TYW1: variants seen among roughly 807,000 people sequenced by gnomAD.
The protein encoded by TYW1 is S-adenosyl-L-methionine-dependent tRNA 4-demethylwyosine synthase TYW1.
A neutral mutation model predicts 96.2 loss-of-function variants in TYW1; 46 were observed. That is an observed-to-expected ratio of 0.48 (90% CI 0.38 to 0.61). TYW1 has a LOEUF of 0.61. TYW1 is among the 20% of genes least tolerant of loss of function. The pLI, the probability that TYW1 is intolerant of heterozygous loss-of-function variation, is 0.00. For missense variants in TYW1, 684 were observed against 909.6 expected (o/e 0.75, Z 3.19); for synonymous variants, 274 against 323.0 (o/e 0.85, Z 1.63).
chr7:67,101,149 C>T (rs866561506), intron 12 of TYW1, among the ~76,000 whole-genome samples: 1 of 152,144 alleles, frequency 6.6e-6, no homozygotes, highest in Non-Finnish European at 1.5e-5. Context: ...GCTGCCCTAT[C>T]TTAGTGCACC....
intron 12 of TYW1, among the ~76,000 whole-genome samples, chr7:67,106,777 T>C (rs1797257750): frequency 6.6e-6 from 1 of 152,210 alleles, no homozygotes; most frequent in African/African-American, 2.4e-5. Flanking sequence ...ATCTCATAGC[T>C]CTTTTTTGGT....
At chr7:67,072,248 C>T (rs1178596797) in intron 10 of TYW1, among the ~76,000 whole-genome samples, 2 of 128,946 alleles carry the variant, frequency 1.6e-5, no homozygotes, top group Non-Finnish European at 3.3e-5. Context: ...CCTCTACCCA[C>T]TTTTTTTTTT....
chr7:67,180,307 C>A (rs28379305), intron 13 of TYW1, among the ~76,000 whole-genome samples: 31,256 of 123,988 alleles, frequency 0.25, 8,197 homozygotes, highest in Middle Eastern at 0.36. Context: ...GGTAATGATA[C>A]CTAGTACATG....
intron 7 of TYW1, 74 bp from the exon 8 acceptor site, chr7:67,049,875 G>A: frequency 1.9e-6 from 3 of 1,569,986 alleles, no homozygotes; most frequent in Non-Finnish European, 2.6e-6. Flanking sequence ...TTGATGCTAG[G>A]TGTTCATGAT....
At chr7:67,149,772 A>C (rs961725234) in intron 13 of TYW1, among the ~76,000 whole-genome samples, 1 of 82,882 alleles carries the variant, frequency 1.2e-5, no homozygotes, top group Non-Finnish European at 2.5e-5. Context: ...CTATCTATCT[A>C]TCTCTCTATG....
chr7:67,053,542 G>A (rs1325935170), intron 8 of TYW1, among the ~76,000 whole-genome samples: 1 of 151,914 alleles, frequency 6.6e-6, no homozygotes, highest in African/African-American at 2.4e-5. Flanking sequence ...ACCACGCCTG[G>A]CTAATTTTTA....
intron 7 of TYW1, among the ~76,000 whole-genome samples, chr7:67,028,696 A>C (rs532274979): frequency 3.9e-5 from 6 of 152,300 alleles, no homozygotes; most frequent in Non-Finnish European, 7.4e-5. Context: ...AGGATGGTCT[A>C]GCCTGTATGG....
chr7:67,219,721 TG>T (rs1280429370), intron 15 of TYW1, among the ~76,000 whole-genome samples: 2 of 151,980 alleles, frequency 1.3e-5, no homozygotes, highest in Non-Finnish European at 2.9e-5. Context: ...AATGCAGAAT[TG>T]GTAGCAAAAT....
In TYW1 at chr7:66,998,759, G is replaced by C. The variant is rs186233847; in HGVS notation, c.136-58G>C. On this transcript the variant is annotated intron_variant, in intron 2 of 15. Transcript: ENST00000359626. Reference sequence around the variant, plus strand: ...AGTATCTGTGCTAATTTTCATCCCTGCTGAAGTTGGGAAACGATTTAGACT... The same window carrying C: ...AGTATCTGTGCTAATTTTCATCCCTCCTGAAGTTGGGAAACGATTTAGACT... 7.2e-5 allele frequency: 115 copies of C among 1,594,722 alleles called. No homozygotes were observed. In the African/African-American group the frequency reaches 1.5e-3, roughly 20 times the overall value.
At chr7:67,148,583 G>A (rs183327802) in intron 13 of TYW1, among the ~76,000 whole-genome samples, 4,482 of 151,080 alleles carry the variant, frequency 0.03, 100 homozygotes, top group Middle Eastern at 0.1. Context: ...CTGCCACCAC[G>A]CCCGGCTAAT....
At chr7:67,013,215 T>C (rs2129240780) in intron 4 of TYW1, among the ~76,000 whole-genome samples, 1 of 151,954 alleles carries the variant, frequency 6.6e-6, no homozygotes, top group Non-Finnish European at 1.5e-5. Context: ...CTCTGCCTCC[T>C]GGGCTCAAGC....
At chr7:67,119,503 C>T (rs574912713) in intron 13 of TYW1, among the ~76,000 whole-genome samples, 2 of 152,292 alleles carry the variant, frequency 1.3e-5, no homozygotes, top group South Asian at 2.1e-4. Context: ...TCTGAGTCTT[C>T]GGTTACTGTC....
intron 10 of TYW1, among the ~76,000 whole-genome samples, chr7:67,079,047 C>A (rs1170849562): frequency 2.0e-5 from 3 of 152,070 alleles, no homozygotes; most frequent in Non-Finnish European, 2.9e-5. Context: ...TTTTCCTTTT[C>A]TTTTTTGTTG....
intron 7 of TYW1, among the ~76,000 whole-genome samples, chr7:67,042,443 A>C (rs1054024510): frequency 1.3e-5 from 2 of 151,998 alleles, no homozygotes; most frequent in African/African-American, 4.8e-5. Context: ...ACAGATGGAG[A>C]TATGGGAGGA....
At chr7:67,090,043 A>G (rs1228802293) in intron 11 of TYW1, among the ~76,000 whole-genome samples, 2 of 152,230 alleles carry the variant, frequency 1.3e-5, no homozygotes, top group South Asian at 4.1e-4. Context: ...GATGAAAAAG[A>G]CATCATTTAT....
At position 67,054,063 on chromosome 7, in the gene TYW1, C is replaced by G. The variant is rs530028583; in HGVS notation, c.1103-1772C>G. Among the ~76,000 whole-genome samples, 11 of 152,310 alleles carry G rather than the reference C, an allele frequency of 7.2e-5. No homozygotes were observed. In the East Asian group the frequency reaches 2.1e-3, roughly 29 times the overall value. On this transcript the variant is annotated intron_variant, in intron 8 of 15. Coordinates refer to ENST00000359626, the MANE Select transcript of TYW1 (RefSeq NM_018264.4). ...ATTGTTTCCTATCTCTATGGGATCACCATCCTTTGTTGCCTGATGTCTCAT... is the reference window on the plus strand; with the variant it reads ...ATTGTTTCCTATCTCTATGGGATCAGCATCCTTTGTTGCCTGATGTCTCAT...
chr7:67,088,660 C>T (rs1317642263), intron 11 of TYW1, among the ~76,000 whole-genome samples: 1 of 152,168 alleles, frequency 6.6e-6, no homozygotes, highest in Non-Finnish European at 1.5e-5. Context: ...ACCTCCTGGG[C>T]TCAAGCAGTC....
At chr7:67,155,753 C>T (rs1345824466) in intron 13 of TYW1, among the ~76,000 whole-genome samples, 2 of 152,164 alleles carry the variant, frequency 1.3e-5, no homozygotes. Flanking sequence ...TGCAAATGGA[C>T]TAACACAAGA....
At chr7:67,012,607 CTAAGGA>C (rs1466956804) in intron 4 of TYW1, among the ~76,000 whole-genome samples, 2 of 152,130 alleles carry the variant, frequency 1.3e-5, no homozygotes, top group African/African-American at 4.8e-5. Context: ...GCTATCAAGA[CTAAGGA>C]TACACAGGTT....
Sources: gnomAD v4.1 joint callset for allele counts (sites outside exome capture counted in the v4.1 genomes callset) on GRCh38, gnomAD v4.1.1 for gene constraint, MANE v1.5 for transcripts, NCBI Gene and HGNC (gene_info 2026-07-23, HGNC 2026-07-21) for gene names.